DZANK1: variants seen among roughly 807,000 people sequenced by gnomAD.
DZANK1 encodes double zinc ribbon and ankyrin repeat domains 1, also known as double zinc ribbon and ankyrin repeat-containing protein 1.
In DZANK1, 91 loss-of-function variants were observed where a neutral mutation model predicts 94.5. That is an observed-to-expected ratio of 0.96 (90% CI 0.81 to 1.15). The LOEUF (loss-of-function observed/expected upper bound fraction) is 1.15. Among genes scored for constraint, DZANK1 ranks in the 50% most tolerant of loss-of-function variants. DZANK1 has a pLI of 0.00. For missense variants in DZANK1, 903 were observed against 916.4 expected (o/e 0.99, Z 0.19); for synonymous variants, 312 against 325.3 (o/e 0.96, Z 0.44).
intron 13 of DZANK1, among the ~76,000 whole-genome samples, chr20:18,404,758 AAAG>A (rs1461420985): frequency 1.3e-5 from 2 of 152,152 alleles, no homozygotes; most frequent in East Asian, 3.8e-4. Context: ...AAAAGGAGTA[AAAG>A]AAGAGCCAGG....
chr20:18,396,524 T>G (rs1236257953), exon 15 of DZANK1: 1 of 1,613,566 alleles, frequency 6.2e-7, no homozygotes, highest in Non-Finnish European at 8.5e-7. Context: ...ACAACCATCT[T>G]CGTGGACAGT....
chr20:18,416,694 G>C (rs1387785265), intron 10 of DZANK1, among the ~76,000 whole-genome samples: 1 of 152,030 alleles, frequency 6.6e-6, no homozygotes, highest in Non-Finnish European at 1.5e-5. Context: ...ACCTACTCAA[G>C]AGAGGCCACA....
chr20:18,417,236 AT>A (rs903879919), intron 10 of DZANK1, among the ~76,000 whole-genome samples: 3 of 152,164 alleles, frequency 2.0e-5, no homozygotes, highest in African/African-American at 7.2e-5. Flanking sequence ...CAATTTTGGG[AT>A]TGTTCTGAAA....
In DZANK1 at chr20:18,448,977, T is replaced by C. The variant is rs762771333; in HGVS notation, c.629+7A>G. On this transcript the variant is annotated splice_region_variant and intron_variant, in intron 7 of 20. Coordinates refer to ENST00000262547, the Ensembl canonical transcript of DZANK1. ...TTAAGGCAGAGTAAAGAGAATGTGA[T>C]ACTTACTTGAGAAAGTCTGTCTCCC... 5 of 1,607,278 alleles carry C rather than the reference T, an allele frequency of 3.1e-6. No homozygotes were observed. In the South Asian group the frequency reaches 4.4e-5, roughly 14 times the overall value.
intron 8 of DZANK1, among the ~76,000 whole-genome samples, chr20:18,434,545 CAAAAAAAA>C (rs55680576): frequency 4.2e-5 from 2 of 47,560 alleles, no homozygotes; most frequent in Non-Finnish European, 8.2e-5. Flanking sequence ...GACTCCTGCT[CAAAAAAAA>C]AAAAAAAAAA....
chr20:18,427,606 G>GGTGTGTGTGTGTGTGT (rs11474236), intron 9 of DZANK1, among the ~76,000 whole-genome samples: 73 of 148,786 alleles, frequency 4.9e-4, no homozygotes, highest in South Asian at 4.5e-3. Flanking sequence ...TGTAAGGTTG[G>GGTGTGTGTGTGTGTGT]GTGTGTGTGT....
intron 13 of DZANK1, among the ~76,000 whole-genome samples, chr20:18,406,388 G>A (rs1235685403): frequency 1.3e-5 from 2 of 152,206 alleles, no homozygotes; most frequent in African/African-American, 4.8e-5. Flanking sequence ...ATAAGGCAGA[G>A]CCGTAAGGCC....
At position 18,464,224 on chromosome 20, in the gene DZANK1, C is replaced by T. The variant is rs541267914; in HGVS notation, c.109+1026G>A. 8.5e-5 allele frequency among the ~76,000 whole-genome samples: 13 copies of T among 152,152 alleles called. No homozygotes were observed. The East Asian group carries it at 1.9e-3, about 23-fold the overall frequency. Reference sequence around the variant, plus strand: ...GAGTAGCTGGGATTACAGGCATTGGCCACCATGCCTGGCTAATCTTGTATT... The same window carrying T: ...GAGTAGCTGGGATTACAGGCATTGGTCACCATGCCTGGCTAATCTTGTATT... On this transcript the variant is annotated intron_variant, in intron 2 of 20. Coordinates refer to ENST00000262547, the Ensembl canonical transcript of DZANK1.
exon 4 of DZANK1, chr20:18,455,328 C>T (rs1001941685): frequency 3.7e-6 from 6 of 1,607,570 alleles, no homozygotes; most frequent in Non-Finnish European, 5.1e-6. Context: ...CTACGTGAAA[C>T]ACCTTTGTCA....
At chr20:18,393,329 C>T (rs1274748727) in intron 17 of DZANK1, among the ~76,000 whole-genome samples, 1 of 152,216 alleles carries the variant, frequency 6.6e-6, no homozygotes, top group African/African-American at 2.4e-5. Context: ...TGCCTGTCCA[C>T]TCACACAGGG....
intron 15 of DZANK1, 108 bp downstream of exon 15, chr20:18,396,364 T>C: frequency 1.1e-6 from 1 of 885,016 alleles, no homozygotes; most frequent in Non-Finnish European, 1.8e-6. Flanking sequence ...CATTTCATAA[T>C]GTGTGAAACT....
At chr20:18,409,586 C>CACACA (rs367672370) in intron 13 of DZANK1, among the ~76,000 whole-genome samples, 2,130 of 112,450 alleles carry the variant, frequency 0.019, 22 homozygotes, top group Non-Finnish European at 0.028. Context: ...ACACACACCA[C>CACACA]CACCACCACC....
intron 16 of DZANK1, 76 bp downstream of exon 16, chr20:18,394,178 C>G: frequency 7.9e-7 from 1 of 1,270,826 alleles, no homozygotes; most frequent in Non-Finnish European, 1.1e-6. Flanking sequence ...AAACTCTTAG[C>G]AGTTCTCTGC....
At chr20:18,452,677 G>C in exon 6 of DZANK1, 1 of 1,607,934 alleles carries the variant, frequency 6.2e-7, no homozygotes, top group Non-Finnish European at 8.5e-7. Context: ...ATTTCCAATG[G>C]ACTCTCTGAA....
rs142344611 is a variant in DZANK1 at position 18,450,630 on chromosome 20, T to A, written c.544-1561A>T. On this transcript the variant is annotated intron_variant, in intron 6 of 20. Coordinates refer to ENST00000262547, the Ensembl canonical transcript of DZANK1. ...CACTGAGCCTTCAGTCCCTGGGTGA[T>A]TCTGATATGCAACTGGGTTTGGAAA... Among the ~76,000 whole-genome samples the A allele has an allele frequency of 4.6e-5, 7 of 152,370 alleles. No individual in the cohort carries two copies. In the East Asian group the frequency reaches 1.3e-3, roughly 29 times the overall value.
chr20:18,443,229 A>G (rs2058766808), intron 8 of DZANK1, 118 bp downstream of exon 8: 1 of 753,232 alleles, frequency 1.3e-6, no homozygotes, highest in Admixed American at 2.3e-5. Context: ...TCAATCAGCC[A>G]GTAATTCTTC....
chr20:18,464,292 G>A (rs977431290), intron 2 of DZANK1, among the ~76,000 whole-genome samples: 2 of 152,256 alleles, frequency 1.3e-5, no homozygotes, highest in Admixed American at 6.5e-5. Context: ...CTGACCTCAG[G>A]TGATCCACCT....
intron 9 of DZANK1, among the ~76,000 whole-genome samples, chr20:18,431,137 A>C (rs919437379): frequency 6.6e-6 from 1 of 152,214 alleles, no homozygotes; most frequent in South Asian, 2.1e-4. Context: ...TTTTAAATAA[A>C]TAAGTTGTAA....
chr20:18,415,887 T>C (rs921821848), intron 10 of DZANK1, among the ~76,000 whole-genome samples: 1 of 152,232 alleles, frequency 6.6e-6, no homozygotes, highest in Non-Finnish European at 1.5e-5. Context: ...TCTTGACACA[T>C]GAGAACAATT....
Sources: allele counts gnomAD v4.1 joint callset (sites outside exome capture counted in the v4.1 genomes callset), GRCh38; gene constraint gnomAD v4.1.1; transcripts MANE v1.5; gene names NCBI Gene and HGNC (gene_info 2026-07-23, HGNC 2026-07-21).